Variants in GFOD1 observed in about 807,000 individuals in gnomAD.
GFOD1 encodes Gfo/Idh/MocA-like oxidoreductase domain containing 1, also known as glucose-fructose oxidoreductase domain-containing protein 1.
Under a neutral mutation model 25.4 loss-of-function variants are expected in GFOD1, and 9 were observed. The ratio of observed to expected loss-of-function variants is 0.35; its 90% CI spans 0.21 to 0.62. The LOEUF is 0.62. Ranked by LOEUF, GFOD1 falls within the 20% of genes least tolerant of loss-of-function variation. The pLI, the probability that GFOD1 is intolerant of heterozygous loss-of-function variation, is 0.72. For missense variants in GFOD1, 403 were observed against 556.9 expected (o/e 0.72, Z 2.78); for synonymous variants, 253 against 245.6 (o/e 1.03, Z -0.28).
intron 1 of GFOD1, among the ~76,000 whole-genome samples, chr6:13,418,341 G>C (rs182969743): frequency 6.6e-6 from 1 of 152,290 alleles, no homozygotes; most frequent in Admixed American, 6.5e-5. Context: ...TTACCCTCCG[G>C]AGCTGCAAAA....
chr6:13,433,925 C>T (rs1018961075), intron 1 of GFOD1, among the ~76,000 whole-genome samples: 1 of 152,236 alleles, frequency 6.6e-6, no homozygotes, highest in African/African-American at 2.4e-5. Flanking sequence ...TGCAGACTAT[C>T]GTCTCAACAA....
intron 1 of GFOD1, chr6:13,470,252 T>C: frequency 1.3e-6 from 2 of 1,595,676 alleles, no homozygotes; most frequent in Non-Finnish European, 8.6e-7. Context: ...TGCCGGCTCA[T>C]GAAGCACATC....
At chr6:13,482,147 A>G (rs1758766617) in intron 1 of GFOD1, among the ~76,000 whole-genome samples, 1 of 148,818 alleles carries the variant, frequency 6.7e-6, no homozygotes, top group Admixed American at 6.7e-5. Flanking sequence ...ATATCTATAA[A>G]TATGTTAATA....
chr6:13,371,952 C>A (rs548233442), intron 1 of GFOD1, among the ~76,000 whole-genome samples: 1 of 152,342 alleles, frequency 6.6e-6, no homozygotes, highest in Admixed American at 6.5e-5. Flanking sequence ...CACACGAGGA[C>A]TGGCCTGAGT....
chr6:13,417,737 C>T (rs1048308001), intron 1 of GFOD1, among the ~76,000 whole-genome samples: 2 of 152,208 alleles, frequency 1.3e-5, no homozygotes, highest in Non-Finnish European at 2.9e-5. Context: ...CTCGTAAGTG[C>T]AGCAGGAGAA....
intron 1 of GFOD1, among the ~76,000 whole-genome samples, chr6:13,419,814 C>T (rs1213993524): frequency 6.6e-6 from 1 of 152,184 alleles, no homozygotes; most frequent in Non-Finnish European, 1.5e-5. Context: ...ATGTTCATGT[C>T]TCCCTCCCTT....
intron 1 of GFOD1, among the ~76,000 whole-genome samples, chr6:13,482,137 A>G (rs1447870801): frequency 6.7e-6 from 1 of 148,888 alleles, no homozygotes; most frequent in Admixed American, 6.7e-5. Flanking sequence ...GCATACATGT[A>G]TATCTATAAA....
At position 13,486,994 on chromosome 6, in the gene GFOD1, T is replaced by G; in HGVS notation, c.-104A>C. ...CTGCACCCCGCTCCTGTAGCCAATC[T>G]AGCCGCGGTGCGCCAGCCGCCGTGC... On this transcript the variant is annotated 5_prime_UTR_variant, in exon 1 of 2. Transcript: ENST00000379287. 1 of 1,382,670 alleles carries G rather than the reference T, an allele frequency of 7.2e-7. No individual in the cohort carries two copies. The highest frequency in any genetic ancestry group is 9.7e-7 in the Non-Finnish European group (1 of 1,032,148). 85.7% of individuals were successfully genotyped at this position (1,382,670 alleles called of 1,614,324 possible). A position where few individuals can be genotyped will look rare whatever the true frequency, so the allele number is the denominator to read the frequency against.
chr6:13,366,852 T>C (rs1336820021), intron 1 of GFOD1, among the ~76,000 whole-genome samples: 4 of 152,098 alleles, frequency 2.6e-5, no homozygotes, highest in African/African-American at 9.7e-5. Flanking sequence ...GTAAGGTTTA[T>C]TTTAAGATAT....
chr6:13,477,292 T>C (rs1016976405), intron 1 of GFOD1, among the ~76,000 whole-genome samples: 9 of 149,188 alleles, frequency 6.0e-5, no homozygotes, highest in African/African-American at 1.7e-4. Flanking sequence ...GCTCGCACAA[T>C]TGTGGGGTTG....
In GFOD1 at chr6:13,358,605, G is replaced by C. The variant is rs778342334; in HGVS notation, c.*6138C>G. The C allele has an allele frequency of 2.6e-5, 4 of 152,194 alleles. No individual in the cohort carries two copies. Among genetic ancestry groups the C allele is most frequent in the South Asian group, 2.1e-4 (1 of 4,828 alleles). 9.4% of individuals were successfully genotyped at this position (152,194 alleles called of 1,614,324 possible). A position where few individuals can be genotyped will look rare whatever the true frequency, so the allele number is the denominator to read the frequency against. ...TCACAAGCTTTTGTTTTGTTTCTTA[G>C]CCTGGGATTAGACCAAGAATCACAA... On this transcript the variant is annotated 3_prime_UTR_variant, in exon 2 of 2. Transcript: ENST00000379287.
At chr6:13,441,990 C>T (rs1757924727) in intron 1 of GFOD1, among the ~76,000 whole-genome samples, 1 of 152,192 alleles carries the variant, frequency 6.6e-6, no homozygotes, top group African/African-American at 2.4e-5. Flanking sequence ...CCCACACTCA[C>T]TCAGATGGGG....
intron 1 of GFOD1, among the ~76,000 whole-genome samples, chr6:13,410,951 G>A (rs775899625): frequency 5.3e-5 from 8 of 152,142 alleles, no homozygotes; most frequent in Non-Finnish European, 8.8e-5. Flanking sequence ...TTAATTTCAC[G>A]GATGCAGAAG....
At chr6:13,415,462 A>G (rs1003137126) in intron 1 of GFOD1, among the ~76,000 whole-genome samples, 5 of 152,328 alleles carry the variant, frequency 3.3e-5, no homozygotes, top group Admixed American at 3.3e-4. Flanking sequence ...TCTCCGGCTC[A>G]GAACACAACA....
At chr6:13,397,001 T>C (rs1785745488) in intron 1 of GFOD1, among the ~76,000 whole-genome samples, 1 of 152,282 alleles carries the variant, frequency 6.6e-6, no homozygotes, top group East Asian at 1.9e-4. Flanking sequence ...AGGTAGGGCT[T>C]CCTGAGTGGT....
rs113275900 is a variant in GFOD1 at position 13,452,223 on chromosome 6, C to T, written c.253+34415G>A. On this transcript the variant is annotated intron_variant, in intron 1 of 1. Coordinates refer to ENST00000379287, the MANE Select transcript of GFOD1 (RefSeq NM_018988.4). ...GGATCATATTGAGAGGGGGAGGATG[C>T]TGTAGTGGGTCAACTGGAGACACTG... Among the ~76,000 whole-genome samples, 62 of 152,214 alleles carry T rather than the reference C, an allele frequency of 4.1e-4. 1 individual carries two copies. Among genetic ancestry groups the T allele is most frequent in the African/African-American group, 1.2e-3 (48 of 41,538 alleles).
At chr6:13,425,278 C>T (rs1040725905) in intron 1 of GFOD1, among the ~76,000 whole-genome samples, 3 of 152,128 alleles carry the variant, frequency 2.0e-5, no homozygotes, top group Non-Finnish European at 4.4e-5. Flanking sequence ...TTATTTCTTA[C>T]CACAACCTGT....
chr6:13,428,710 G>A (rs895987671), intron 1 of GFOD1, among the ~76,000 whole-genome samples: 5 of 152,116 alleles, frequency 3.3e-5, no homozygotes, highest in Admixed American at 6.5e-5. Context: ...CCCAGGGCGG[G>A]CGGCAGGAGT....
rs950951627 is a variant in GFOD1 at position 13,444,682 on chromosome 6, TA to T, written c.253+41955del. 3.7e-4 allele frequency among the ~76,000 whole-genome samples: 56 copies of T among 152,008 alleles called. 1 individual carries two copies. The highest frequency in any genetic ancestry group is 3.0e-3 in the Admixed American group (46 of 15,256). On this transcript the variant is annotated intron_variant, in intron 1 of 1. Transcript: ENST00000379287. Reference sequence around the variant, plus strand: ...GTCTAAGTAACTGGAAACTTAAAAATAAAAAAAATTTAATGAAAGTATGTAC... The same window carrying T: ...GTCTAAGTAACTGGAAACTTAAAAATAAAAAAATTTAATGAAAGTATGTAC...
Sources: allele counts gnomAD v4.1 joint callset (sites outside exome capture counted in the v4.1 genomes callset), GRCh38; gene constraint gnomAD v4.1.1; transcripts MANE v1.5; gene names NCBI Gene and HGNC (gene_info 2026-07-23, HGNC 2026-07-21).